The following RAD51B variants were observed in gnomAD, a reference collection of about 807,000 sequenced individuals.
RAD51B encodes DNA repair protein RAD51 homolog 2.
Under a neutral mutation model 42.2 loss-of-function variants are expected in RAD51B, and 38 were observed. The observed-to-expected ratio is 0.90, with a 90% CI of 0.70 to 1.18. The LOEUF (loss-of-function observed/expected upper bound fraction) is 1.18. RAD51B is among the 50% of genes most tolerant of loss of function. The pLI, the probability that RAD51B is intolerant of heterozygous loss-of-function variation, is 0.00. For synonymous variants in RAD51B, 154 were observed against 145.2 expected (o/e 1.06, Z -0.43); for missense variants, 373 against 400.7 (o/e 0.93, Z 0.59).
intron 8 of RAD51B, among the ~76,000 whole-genome samples, chr14:68,306,257 T>C (rs571203096): frequency 6.6e-6 from 1 of 152,210 alleles, no homozygotes; most frequent in Non-Finnish European, 1.5e-5. Flanking sequence ...CTTAGAGGAG[T>C]AGGAGATTGC....
At position 68,432,448 on chromosome 14, in the gene RAD51B, A is replaced by T. The variant is rs186193804; in HGVS notation, c.957+20921A>T. Reference sequence around the variant, plus strand: ...ATCTGGGTGCTCCTGTATTGGGTGCATATATATTTAGGATAGTTAGCTCTT... The same window carrying T: ...ATCTGGGTGCTCCTGTATTGGGTGCTTATATATTTAGGATAGTTAGCTCTT... On this transcript the variant is annotated intron_variant, in intron 9 of 10. Transcript: ENST00000471583. Among the ~76,000 whole-genome samples, 929 of 152,308 alleles carry T rather than the reference A, an allele frequency of 6.1e-3. 5 individuals are homozygous for T. Among genetic ancestry groups the T allele is most frequent in the African/African-American group, 0.021 (882 of 41,550 alleles).
intron 7 of RAD51B, among the ~76,000 whole-genome samples, chr14:68,185,828 G>T (rs1223291379): frequency 2.0e-5 from 3 of 152,176 alleles, no homozygotes; most frequent in Non-Finnish European, 4.4e-5. Flanking sequence ...TCTGACAGGA[G>T]GTGAAGTTCA....
downstream of RAD51B, among the ~76,000 whole-genome samples, chr14:68,479,125 G>C (rs551710243): frequency 2.6e-5 from 4 of 152,312 alleles, no homozygotes; most frequent in South Asian, 8.3e-4. Context: ...GATGTCCCAG[G>C]CTGTGACCAT....
chr14:67,865,221 T>C, intron 5 of RAD51B, 82 bp downstream of exon 5: 1 of 1,270,448 alleles, frequency 7.9e-7, no homozygotes, highest in South Asian at 2.1e-5. Context: ...AGGTTAACAT[T>C]TACCACCCCT....
chr14:68,613,686 C>T (rs1242818260), downstream of RAD51B, among the ~76,000 whole-genome samples: 3 of 151,876 alleles, frequency 2.0e-5, no homozygotes, highest in African/African-American at 4.8e-5. Flanking sequence ...GATCTCCTGA[C>T]TTTGTGATCC....
intron 7 of RAD51B, among the ~76,000 whole-genome samples, chr14:67,960,266 T>C (rs1029202713): frequency 6.6e-6 from 1 of 152,246 alleles, no homozygotes; most frequent in African/African-American, 2.4e-5. Flanking sequence ...CATGTAATAG[T>C]AGGAGCTGAG....
intron 7 of RAD51B, among the ~76,000 whole-genome samples, chr14:68,252,974 T>C (rs2080669845): frequency 6.6e-6 from 1 of 151,744 alleles, no homozygotes; most frequent in Non-Finnish European, 1.5e-5. Flanking sequence ...TCTCAGCTGC[T>C]CAGGAGGCTA....
chr14:68,640,860 G>T (rs1341182518), intron 10 of RAD51B, among the ~76,000 whole-genome samples: 1 of 152,174 alleles, frequency 6.6e-6, no homozygotes, highest in Non-Finnish European at 1.5e-5. Flanking sequence ...GGTGGGTGCT[G>T]GGAAATGGCT....
chr14:68,166,517 CA>C (rs1197364672), intron 7 of RAD51B, among the ~76,000 whole-genome samples: 1 of 151,990 alleles, frequency 6.6e-6, no homozygotes, highest in Non-Finnish European at 1.5e-5. Flanking sequence ...ACCAAATTTT[CA>C]ATTAAATATT....
chr14:68,664,815 C>G (rs1015838093), intron 11 of RAD51B, among the ~76,000 whole-genome samples: 1 of 152,176 alleles, frequency 6.6e-6, no homozygotes, highest in African/African-American at 2.4e-5. Flanking sequence ...CCTCTATCTC[C>G]TGGGTCAGAA....
At chr14:68,364,413 C>T (rs116617358) in intron 8 of RAD51B, among the ~76,000 whole-genome samples, 2 of 152,264 alleles carry the variant, frequency 1.3e-5, no homozygotes, top group African/African-American at 2.4e-5. Flanking sequence ...AGCCTAATCC[C>T]GTTACAGGCT....
intron 9 of RAD51B, among the ~76,000 whole-genome samples, chr14:68,429,040 T>A (rs1416325469): frequency 6.6e-6 from 1 of 151,930 alleles, no homozygotes; most frequent in East Asian, 1.9e-4. Context: ...TTGCTGAGCA[T>A]GATGGTTTCC....
At chr14:67,882,328 T>G (rs941029976) in intron 5 of RAD51B, among the ~76,000 whole-genome samples, 1 of 152,154 alleles carries the variant, frequency 6.6e-6, no homozygotes, top group Non-Finnish European at 1.5e-5. Context: ...CTTGGTCACC[T>G]CCTCCTCTCA....
chr14:68,026,009 A>C (rs140761603), intron 7 of RAD51B, among the ~76,000 whole-genome samples: 1 of 152,134 alleles, frequency 6.6e-6, no homozygotes, highest in Non-Finnish European at 1.5e-5. Flanking sequence ...TTTCCTCTCA[A>C]TGCTGTTTTA....
Position 68,535,626 on chromosome 14 carries a change from G to A in RAD51B, c.1037-58859G>A, listed in dbSNP as rs999871043. ...CCAACTACAAAAATCATCTGGGAGC[G>A]CCCTCCGAAGTGCTAGGATTCTGCT... On this transcript the variant is annotated intron_variant, in intron 10 of 10. Transcript: ENST00000487270. Among the ~76,000 whole-genome samples the A allele has an allele frequency of 3.3e-5, 5 of 152,062 alleles. No individual in the cohort carries two copies. In the South Asian group the frequency reaches 6.2e-4, roughly 19 times the overall value.
chr14:68,471,821 G>C (rs2086135232), intron 10 of RAD51B, among the ~76,000 whole-genome samples: 1 of 152,086 alleles, frequency 6.6e-6, no homozygotes, highest in South Asian at 2.1e-4. Flanking sequence ...TGTCTGTCCA[G>C]CGTTTGTCTG....
At chr14:68,246,919 T>C (rs567210619) in intron 7 of RAD51B, among the ~76,000 whole-genome samples, 1 of 152,350 alleles carries the variant, frequency 6.6e-6, no homozygotes, top group South Asian at 2.1e-4. Context: ...CTCTAAGTTC[T>C]GATAAAGGAC....
chr14:68,211,943 G>T (rs751828585), intron 7 of RAD51B, among the ~76,000 whole-genome samples: 4 of 152,188 alleles, frequency 2.6e-5, no homozygotes, highest in Non-Finnish European at 4.4e-5. Context: ...TTTACAGTTT[G>T]CCTCTGTAAG....
At chr14:67,840,806 C>CTTT (rs139189527) in intron 4 of RAD51B, among the ~76,000 whole-genome samples, 1 of 145,154 alleles carries the variant, frequency 6.9e-6, no homozygotes. Context: ...TATTTTTTGA[C>CTTT]TTTTTTTTTT....
Sources: allele counts gnomAD v4.1 joint callset (sites outside exome capture counted in the v4.1 genomes callset), GRCh38; gene constraint gnomAD v4.1.1; transcripts MANE v1.5; gene names NCBI Gene and HGNC (gene_info 2026-07-23, HGNC 2026-07-21).